Variants in STK32A observed in about 807,000 individuals in gnomAD.
STK32A encodes the protein serine/threonine-protein kinase 32A.
STK32A carries 41 observed loss-of-function variants against 53.2 expected under a neutral mutation model. That is an observed-to-expected ratio of 0.77 (90% CI 0.60 to 1.00). The LOEUF (loss-of-function observed/expected upper bound fraction) is 1.00, where lower values mean the gene tolerates loss of function less well. Among genes scored for constraint, STK32A ranks in the 50% least tolerant of loss-of-function variants. STK32A has a pLI of 0.00. For synonymous variants in STK32A, 166 were observed against 162.8 expected (o/e 1.02, Z -0.15); for missense variants, 458 against 485.8 (o/e 0.94, Z 0.54).
chr5:147,370,831 A>G, intron 9 of STK32A, 61 bp downstream of exon 9: 6 of 1,084,200 alleles, frequency 5.5e-6, no homozygotes, highest in Non-Finnish European at 8.5e-6. Flanking sequence ...CTCTGGCTTA[A>G]GTTTAGAAGT....
chr5:147,331,041 A>T (rs1754844936), intron 5 of STK32A, among the ~76,000 whole-genome samples: 1 of 152,176 alleles, frequency 6.6e-6, no homozygotes, highest in Non-Finnish European at 1.5e-5. Flanking sequence ...AAAATAAGAC[A>T]TTTCTGCAGC....
intron 1 of STK32A, 32 bp from the exon 2 acceptor site, chr5:147,239,507 T>C: frequency 1.5e-6 from 1 of 686,696 alleles, no homozygotes; most frequent in Admixed American, 3.0e-5. Flanking sequence ...GTATAGCATA[T>C]TATTAGGGTA....
At chr5:147,348,696 T>C (rs751766524) in intron 6 of STK32A, 2 of 774,074 alleles carry the variant, frequency 2.6e-6, no homozygotes, top group East Asian at 4.9e-5. Flanking sequence ...TTAATACAGA[T>C]ACCTGGCTCT....
At chr5:147,318,712 G>T (rs1754140774) in intron 4 of STK32A, among the ~76,000 whole-genome samples, 1 of 151,352 alleles carries the variant, frequency 6.6e-6, no homozygotes, top group Non-Finnish European at 1.5e-5. Flanking sequence ...GGATGTCAAG[G>T]CTACAGTGAG....
chr5:147,348,725 T>C (rs754612612), intron 6 of STK32A: 15 of 773,512 alleles, frequency 1.9e-5, no homozygotes, highest in Middle Eastern at 4.5e-4. Context: ...TCCCACTGAA[T>C]TGGAGTTTCA....
rs1757645663 is a variant in STK32A at position 147,386,429 on chromosome 5, C to T, written c.*2446C>T. 1 of 152,168 alleles carries T rather than the reference C, an allele frequency of 6.6e-6. No homozygotes were observed. The highest frequency in any genetic ancestry group is 1.5e-5 in the Non-Finnish European group (1 of 68,044). 9.4% of individuals were successfully genotyped at this position (152,168 alleles called of 1,614,324 possible). ...AACCAGGTTCCTCCTCTCGCTGCAA[C>T]CTTGTTTGCATCCTTCCCAAGAAGA... On this transcript the variant is annotated 3_prime_UTR_variant, in exon 13 of 13. Transcript: ENST00000397936.
At chr5:147,313,740 A>C (rs1753818258) in intron 4 of STK32A, among the ~76,000 whole-genome samples, 1 of 152,250 alleles carries the variant, frequency 6.6e-6, no homozygotes, top group South Asian at 2.1e-4. Flanking sequence ...AACATGGAAC[A>C]GAATTGAGCA....
chr5:147,400,962 T>G, the STK32A span: 5 of 1,193,338 alleles, frequency 4.2e-6, no homozygotes, highest in Middle Eastern at 2.2e-4. Flanking sequence ...CCTCTACCTC[T>G]TACTAGATAT....
chr5:147,325,176 T>A (rs939236249), intron 5 of STK32A, among the ~76,000 whole-genome samples: 2 of 152,240 alleles, frequency 1.3e-5, no homozygotes, highest in Admixed American at 6.5e-5. Context: ...CATGTGACTC[T>A]GCTGCTGTCA....
At chr5:147,391,637 G>A (rs1757807459), downstream of STK32A, 1 of 152,182 alleles carries the variant, frequency 6.6e-6, no homozygotes, top group South Asian at 2.1e-4. Context: ...TAAACCTTTT[G>A]TATAGGCCTG....
rs190854977 is a variant in STK32A at position 147,370,213 on chromosome 5, T to G, written c.661-441T>G. 5.0e-3 allele frequency among the ~76,000 whole-genome samples: 758 copies of G among 152,254 alleles called. 3 individuals carry two copies. Among genetic ancestry groups the G allele is most frequent in the Admixed American group, 8.4e-3 (129 of 15,278 alleles). On this transcript the variant is annotated intron_variant, in intron 8 of 12. Transcript: ENST00000397936. ...CCTGAGCTTCCTCATTATGTTGCAG[T>G]GAAAGGGATGGTATGGTAAAATTCT...
rs745652013 is a variant in STK32A, at chr5:147,370,644, C to T, written c.661-10C>T. 9 of 1,564,556 alleles carry T rather than the reference C, an allele frequency of 5.8e-6. No individual in the cohort carries two copies. The Admixed American group carries it at 1.2e-4, about 21-fold the overall frequency. On this transcript the variant is annotated splice_polypyrimidine_tract_variant and intron_variant, in intron 8 of 12. Transcript: ENST00000397936. ...ACAAATGAAGACTTTTACTTCTTTT[C>T]TCCCTTAAGAGACCGTATCATATTC...
intron 5 of STK32A, among the ~76,000 whole-genome samples, chr5:147,332,129 T>C (rs1754901545): frequency 6.6e-6 from 1 of 152,230 alleles, no homozygotes; most frequent in Non-Finnish European, 1.5e-5. Context: ...GCACCTTCTG[T>C]CCTCACTCCT....
chr5:147,299,575 C>T (rs959579124), intron 4 of STK32A, among the ~76,000 whole-genome samples: 1 of 152,128 alleles, frequency 6.6e-6, no homozygotes. Context: ...ACTGAAGCTC[C>T]ACTTTAGATC....
chr5:147,304,289 A>G (rs1561706397), intron 4 of STK32A, among the ~76,000 whole-genome samples: 1 of 151,930 alleles, frequency 6.6e-6, no homozygotes, highest in Non-Finnish European at 1.5e-5. Flanking sequence ...AAAATAAATG[A>G]CTCCTGGATT....
At chr5:147,374,129 G>GA (rs888060662) in intron 10 of STK32A, among the ~76,000 whole-genome samples, 13 of 150,590 alleles carry the variant, frequency 8.6e-5, no homozygotes, top group African/African-American at 1.2e-4. Context: ...TACAGAAAAA[G>GA]AAAAAAAAAT....
At position 147,328,715 on chromosome 5, in the gene STK32A, C is replaced by T. The variant is rs145020932; in HGVS notation, c.434+4644C>T. On this transcript the variant is annotated intron_variant, in intron 5 of 12. Transcript: ENST00000397936. The stretch of plus-strand genomic sequence containing the variant: ...TTTAAAAAATAAGGGAAACAAAACT[C>T]ATTACAATCTCTTCTACAGGGTTAG... 5.1e-3 allele frequency among the ~76,000 whole-genome samples: 770 copies of T among 152,282 alleles called. 6 individuals are homozygous for T. The highest frequency in any genetic ancestry group is 0.018 in the African/African-American group (732 of 41,562).
chr5:147,269,599 A>G (rs750777361), intron 2 of STK32A, among the ~76,000 whole-genome samples: 7 of 152,230 alleles, frequency 4.6e-5, no homozygotes, highest in Non-Finnish European at 1.0e-4. Context: ...TTAACATGCC[A>G]AAAAAGGCAT....
At chr5:147,334,735 G>A (rs1755033028) in intron 5 of STK32A, among the ~76,000 whole-genome samples, 2 of 152,126 alleles carry the variant, frequency 1.3e-5, no homozygotes, top group South Asian at 4.1e-4. Context: ...TGAAAACATC[G>A]ATTCATCATT....
Sources: allele counts gnomAD v4.1 joint callset (sites outside exome capture counted in the v4.1 genomes callset), GRCh38; gene constraint gnomAD v4.1.1; transcripts MANE v1.5; gene names NCBI Gene and HGNC (gene_info 2026-07-23, HGNC 2026-07-21).